The following SLC1A6 variants were observed in gnomAD, a reference collection of about 807,000 sequenced individuals.
SLC1A6 encodes solute carrier family 1 member 6, also known as excitatory amino acid transporter 4.
A neutral mutation model predicts 42.1 loss-of-function variants in SLC1A6; 15 were observed. That is an observed-to-expected ratio of 0.36 (90% CI 0.24 to 0.55). The LOEUF (loss-of-function observed/expected upper bound fraction) is 0.55, where lower values mean the gene tolerates loss of function less well. Among genes scored for constraint, SLC1A6 ranks in the 20% least tolerant of loss-of-function variants. SLC1A6 has a pLI of 0.88. For missense variants in SLC1A6, 542 were observed against 772.5 expected (o/e 0.70, Z 3.54); for synonymous variants, 317 against 319.7 (o/e 0.99, Z 0.09).
chr19:14,952,537 A>G (rs12973581), intron 9 of SLC1A6, among the ~76,000 whole-genome samples: 109,364 of 150,956 alleles, frequency 0.72, 40,068 homozygotes, highest in African/African-American at 0.84. Context: ...CGATTCTCCC[A>G]CCTCAGCCTC....
At chr19:15,001,306 G>A (rs2045871534) in intron 1 of SLC1A6, among the ~76,000 whole-genome samples, 2 of 152,286 alleles carry the variant, frequency 1.3e-5, no homozygotes, top group Middle Eastern at 3.4e-3. Context: ...CGTATAGCCC[G>A]GTGGTGTGAG....
At chr19:14,954,017 C>T (rs2045437387) in intron 8 of SLC1A6, 118 bp downstream of exon 8, 1 of 873,844 alleles carries the variant, frequency 1.1e-6, no homozygotes, top group Non-Finnish European at 1.8e-6. Flanking sequence ...CCGCTTCCAA[C>T]ATCCGTGGGC....
intron 1 of SLC1A6, among the ~76,000 whole-genome samples, chr19:14,975,871 AAAGGGAAGGG>A (rs1164145452): frequency 5.0e-5 from 2 of 40,202 alleles, no homozygotes; most frequent in Admixed American, 2.5e-4. Context: ...GAAGGGAAGG[AAAGGGAAGGG>A]AAGGGAAGGG....
At chr19:14,996,525 C>CTTTT (rs2045846643) in intron 1 of SLC1A6, among the ~76,000 whole-genome samples, 2 of 147,460 alleles carry the variant, frequency 1.4e-5, no homozygotes, top group South Asian at 4.4e-4. Context: ...TCTCCTCCTC[C>CTTTT]TCTTTCTTCT....
chr19:14,951,987 AT>A (rs111296540), intron 9 of SLC1A6, among the ~76,000 whole-genome samples: 89,456 of 149,842 alleles, frequency 0.6, 26,635 homozygotes, highest in South Asian at 0.67. Context: ...TAATTTTTGT[AT>A]TTTTTGTAGA....
rs147773712 is a variant in SLC1A6, at chr19:14,994,228, A to G, written c.6+16257T>C. ...CTTCTGGTTGGCTTCAAGCAATGGGAAGCCCTTACAGGAGGCAAGAGGGAT... is the reference window on the plus strand; with the variant it reads ...CTTCTGGTTGGCTTCAAGCAATGGGGAGCCCTTACAGGAGGCAAGAGGGAT... On this transcript the variant is annotated intron_variant, in intron 1 of 8. Coordinates refer to the SLC1A6 transcript ENST00000430939. Among the ~76,000 whole-genome samples, 90 of 152,124 alleles carry G rather than the reference A, an allele frequency of 5.9e-4. 2 individuals carry two copies. The highest frequency in any genetic ancestry group is 2.1e-3 in the African/African-American group (88 of 41,504).
In SLC1A6 at chr19:14,965,844, T is replaced by C. The variant is rs578151223; in HGVS notation, c.549-1483A>G. Among the ~76,000 whole-genome samples, 43 of 93,240 alleles carry C rather than the reference T, an allele frequency of 4.6e-4. No homozygotes were observed. In the East Asian group the frequency reaches 0.013, roughly 29 times the overall value. 61.2% of individuals were successfully genotyped at this position (93,240 alleles called of 152,430 possible). On this transcript the variant is annotated intron_variant, in intron 4 of 9. Coordinates refer to ENST00000594383, the MANE Select transcript of SLC1A6 (RefSeq NM_005071.3). Reference sequence around the variant, plus strand: ...CAGCCTGGGCGACAGAGTGAGACTCTGTTTCAAAAAAAAAAAAAAAAAGAA... The same window carrying C: ...CAGCCTGGGCGACAGAGTGAGACTCCGTTTCAAAAAAAAAAAAAAAAAGAA...
upstream of SLC1A6, among the ~76,000 whole-genome samples, chr19:14,983,524 A>C (rs1047282476): frequency 3.3e-5 from 5 of 151,874 alleles, no homozygotes; most frequent in Non-Finnish European, 5.9e-5. Context: ...CCCCATCTCC[A>C]CAAAAAATTT....
At chr19:15,010,503 G>T in exon 1 of SLC1A6, 1 of 572,958 alleles carries the variant, frequency 1.7e-6, no homozygotes, top group Non-Finnish European at 3.3e-6. Flanking sequence ...GACAGAGTGT[G>T]ACCTGGACAG....
chr19:14,982,356 C>T (rs892556902), upstream of SLC1A6, among the ~76,000 whole-genome samples: 2 of 152,016 alleles, frequency 1.3e-5, no homozygotes, highest in South Asian at 4.2e-4. Flanking sequence ...CTGGTGAAAC[C>T]CCGTATCTAC....
intron 1 of SLC1A6, among the ~76,000 whole-genome samples, chr19:14,993,309 A>C (rs973597633): frequency 6.6e-6 from 1 of 152,064 alleles, no homozygotes; most frequent in Admixed American, 6.6e-5. Context: ...GTGACTGCTG[A>C]TGATGGGTAG....
At chr19:14,969,092 A>C (rs1189136205) in intron 3 of SLC1A6, among the ~76,000 whole-genome samples, 1 of 152,114 alleles carries the variant, frequency 6.6e-6, no homozygotes, top group Non-Finnish European at 1.5e-5. Context: ...CACTCACCTC[A>C]GCCTTCCAAA....
Position 14,968,367 on chromosome 19 carries a change from C to T in SLC1A6, c.484G>A (p.Gly162Arg), listed in dbSNP as rs1199522124. ...TCGATCCGGCCCTCCCGGTGCAGCCCCTCCTTGGAGCCCTTCCCGGGATGG... is the reference window on the plus strand; with the variant it reads ...TCGATCCGGCCCTCCCGGTGCAGCCTCTCCTTGGAGCCCTTCCCGGGATGG... ...IIHPGKGSKE[G>R]LHREGRIETI... Residue 162 changes from glycine (G) to arginine (R), a missense_variant, in exon 4 of 10, where the codon GGG becomes AGG. Physicochemically the swap from Gly to Arg is moderately radical, Grantham distance 125. Coordinates refer to ENST00000594383, the MANE Select transcript of SLC1A6 (RefSeq NM_005071.3). 5 of 1,613,772 alleles carry T rather than the reference C, an allele frequency of 3.1e-6. No homozygotes were observed. In the African/African-American group the frequency reaches 5.3e-5, roughly 17 times the overall value.
chr19:14,972,647 ATTTCCCTGAAGTCCCCGCC>A lies in SLC1A6; in HGVS notation c.205+40_205+58del, dbSNP rs774978272. The A allele has an allele frequency of 1.2e-4, 169 of 1,464,422 alleles. 1 individual carries two copies. Among genetic ancestry groups the A allele is most frequent in the African/African-American group, 8.9e-4 (64 of 71,982 alleles). 90.7% of individuals were successfully genotyped at this position (1,464,422 alleles called of 1,614,324 possible). ...GCAAAGAGATGTGTAGAGGCCAGGAATTTCCCTGAAGTCCCCGCCTTTCCCTGAAGTCCCCGCCCTCCAA... is the reference window on the plus strand; with the variant it reads ...GCAAAGAGATGTGTAGAGGCCAGGAATTTCCCTGAAGTCCCCGCCCTCCAA... On this transcript the variant is annotated intron_variant, in intron 2 of 9. Transcript: ENST00000594383.
At chr19:14,966,313 G>A (rs1484795294) in intron 4 of SLC1A6, among the ~76,000 whole-genome samples, 3 of 152,100 alleles carry the variant, frequency 2.0e-5, no homozygotes, top group Non-Finnish European at 4.4e-5. Context: ...CCAACACGGT[G>A]AAACCCTGTC....
chr19:14,962,010 G>T lies in SLC1A6; in HGVS notation c.927C>A (p.Ile309=). ...LNEAIMRLVG[I]IIWYAPVGIL... The stretch of plus-strand genomic sequence containing the variant: ...CACAGACCAGGACTCACCAGATAAT[G>T]ATGCCCACCAGCCTCATAATAGCCT... The change falls in exon 6 of 10, where the codon ATC becomes ATA. Residue 309 remains isoleucine (I), a synonymous_variant. Transcript: ENST00000594383. 1 of 1,613,030 alleles carries T rather than the reference G, an allele frequency of 6.2e-7. No homozygotes were observed. The highest frequency in any genetic ancestry group is 1.1e-5 in the South Asian group (1 of 90,970).
At chr19:14,986,101 A>ATTTTTTTTTTTT (rs34189680) in intron 1 of SLC1A6, among the ~76,000 whole-genome samples, 1 of 145,860 alleles carries the variant, frequency 6.9e-6, no homozygotes, top group Non-Finnish European at 1.5e-5. Context: ...ACAAGCAGTA[A>ATTTTTTTTTTTT]TTTTTTTTTT....
intron 1 of SLC1A6, among the ~76,000 whole-genome samples, chr19:14,999,652 A>G (rs761497368): frequency 5.3e-5 from 8 of 152,138 alleles, no homozygotes; most frequent in Non-Finnish European, 1.2e-4. Flanking sequence ...AACACTGCAA[A>G]TCTCTTTCAG....
At chr19:14,960,394 C>T (rs529128439) in intron 6 of SLC1A6, among the ~76,000 whole-genome samples, 17 of 152,032 alleles carry the variant, frequency 1.1e-4, no homozygotes, top group South Asian at 4.2e-4. Context: ...AATAAATTTA[C>T]GAGTGAATGA....
Sources: allele counts gnomAD v4.1 joint callset (sites outside exome capture counted in the v4.1 genomes callset), GRCh38; gene constraint gnomAD v4.1.1; transcripts MANE v1.5; gene names NCBI Gene and HGNC (gene_info 2026-07-23, HGNC 2026-07-21).